Variants in NEK1 observed in about 807,000 individuals in gnomAD.
NEK1 encodes serine/threonine-protein kinase Nek1.
NEK1 carries 137 observed loss-of-function variants against 182.1 expected under a neutral mutation model. The ratio of observed to expected loss-of-function variants is 0.75; its 90% CI spans 0.65 to 0.87. NEK1 has a LOEUF of 0.87. Among genes scored for constraint, NEK1 ranks in the 40% least tolerant of loss-of-function variants. NEK1 has a pLI of 0.00. For missense variants in NEK1, 1,391 were observed against 1,494.4 expected (o/e 0.93, Z 1.14); for synonymous variants, 513 against 492.2 (o/e 1.04, Z -0.56).
chr4:169,585,413 G>A lies in NEK1; in HGVS notation c.743C>T (p.Ser248Leu). Residue 248 changes from serine (S) to leucine (L), a missense_variant, in exon 10 of 36, where the codon TCA (serine) becomes TTA (leucine). Coordinates refer to ENST00000507142, the MANE Select transcript of NEK1 (RefSeq NM_001199397.3). Reference sequence around the variant, plus strand: ...ACCTTTCTCCAATATGGAGTTGACTGATGGTCTATCCCTAGGATTTCTTTT... The same window carrying A: ...ACCTTTCTCCAATATGGAGTTGACTAATGGTCTATCCCTAGGATTTCTTTT... ...LFKRNPRDRP[S>L]VNSILEKGFI... The A allele has an allele frequency of 6.2e-7, 1 of 1,613,660 alleles. No individual in the cohort carries two copies. Among genetic ancestry groups the A allele is most frequent in the Non-Finnish European group, 8.5e-7 (1 of 1,179,686 alleles).
chr4:169,582,730 A>C (rs1208207908), intron 10 of NEK1, among the ~76,000 whole-genome samples: 1 of 152,164 alleles, frequency 6.6e-6, no homozygotes, highest in Non-Finnish European at 1.5e-5. Flanking sequence ...TATGTTTTCC[A>C]ATAGAGTAGC....
Position 169,424,552 on chromosome 4 carries a change from C to G in NEK1, c.3222+1G>C, listed in dbSNP as rs778672440. On this transcript the variant is annotated splice_donor_variant, in intron 31 of 35. Coordinates refer to ENST00000507142, the MANE Select transcript of NEK1 (RefSeq NM_001199397.3). LOFTEE classifies it high-confidence loss of function. ...ATTTTCCACTTGAGGACCATACTTG[C>G]CTTTGGGTTGTTTGCATCAAACAGA... 3.8e-6 allele frequency: 6 copies of G among 1,585,736 alleles called. No homozygotes were observed.
At chr4:169,447,207 G>A (rs937566989) in intron 27 of NEK1, among the ~76,000 whole-genome samples, 2 of 152,156 alleles carry the variant, frequency 1.3e-5, no homozygotes, top group African/African-American at 4.8e-5. Flanking sequence ...TTTGTGTCTG[G>A]CAGCAGACTT....
intron 19 of NEK1, among the ~76,000 whole-genome samples, chr4:169,532,744 A>G (rs963546361): frequency 6.6e-6 from 1 of 151,770 alleles, no homozygotes; most frequent in African/African-American, 2.4e-5. Context: ...GATTGAGACC[A>G]GCCTGGGCAA....
At chr4:169,496,440 GT>G (rs1751302822) in intron 23 of NEK1, among the ~76,000 whole-genome samples, 2 of 150,962 alleles carry the variant, frequency 1.3e-5, no homozygotes, top group African/African-American at 4.9e-5. Context: ...CCAACACTAT[GT>G]TGAATAGGAG....
intron 27 of NEK1, among the ~76,000 whole-genome samples, chr4:169,445,654 A>T (rs1740355977): frequency 6.6e-6 from 1 of 151,910 alleles, no homozygotes; most frequent in Admixed American, 6.6e-5. Context: ...GAAAATAATA[A>T]GATGATGAGG....
chr4:169,557,535 C>A (rs983283032), intron 16 of NEK1, among the ~76,000 whole-genome samples: 1 of 151,970 alleles, frequency 6.6e-6, no homozygotes, highest in Non-Finnish European at 1.5e-5. Flanking sequence ...TTAAAAAAAC[C>A]ATTTTCTGAG....
At chr4:169,569,860 C>T (rs556507113) in intron 12 of NEK1, among the ~76,000 whole-genome samples, 3 of 152,242 alleles carry the variant, frequency 2.0e-5, no homozygotes, top group Admixed American at 2.0e-4. Context: ...ACCTCCCAGC[C>T]GCCTGCCTTG....
At chr4:169,435,377 A>AT (rs1437316585) in intron 28 of NEK1, among the ~76,000 whole-genome samples, 1 of 152,132 alleles carries the variant, frequency 6.6e-6, no homozygotes, top group Non-Finnish European at 1.5e-5. Flanking sequence ...TCAACATATG[A>AT]TTTTTTTGGG....
At chr4:169,610,484 T>C (rs547047859) in intron 2 of NEK1, among the ~76,000 whole-genome samples, 1 of 152,062 alleles carries the variant, frequency 6.6e-6, no homozygotes, top group East Asian at 1.9e-4. Context: ...CGTCTAATTT[T>C]TTGTATTTTT....
intron 31 of NEK1, among the ~76,000 whole-genome samples, chr4:169,409,214 G>A (rs893265419): frequency 1.8e-4 from 28 of 151,774 alleles, no homozygotes; most frequent in Non-Finnish European, 3.7e-4. Context: ...GCGCGATCTC[G>A]GCTCACTGCA....
intron 29 of NEK1, among the ~76,000 whole-genome samples, chr4:169,432,071 A>G (rs1048957624): frequency 9.9e-5 from 15 of 151,912 alleles, no homozygotes; most frequent in Non-Finnish European, 1.8e-4. Context: ...TAAAAAAAAA[A>G]GGGGGGGACC....
At chr4:169,463,133 G>C in intron 27 of NEK1, 110 bp downstream of exon 27, 4 of 617,330 alleles carry the variant, frequency 6.5e-6, no homozygotes, top group Non-Finnish European at 9.6e-6. Flanking sequence ...ATTATTATAA[G>C]AGAAAGATAA....
chr4:169,406,160 A>ACTACTGGGTTCAAG (rs1554022030), intron 32 of NEK1, among the ~76,000 whole-genome samples: 2 of 151,886 alleles, frequency 1.3e-5, no homozygotes, highest in African/African-American at 4.8e-5. Flanking sequence ...GGCTGGTCTC[A>ACTACTGGGTTCAAG]CATTCCTCCT....
chr4:169,416,820 G>T (rs1325962605), intron 31 of NEK1, among the ~76,000 whole-genome samples: 1 of 152,146 alleles, frequency 6.6e-6, no homozygotes, highest in Non-Finnish European at 1.5e-5. Context: ...CGGGAAGATT[G>T]CTTGAGCCCA....
At position 169,507,114 on chromosome 4, in the gene NEK1, C is replaced by T. The variant is rs768725176; in HGVS notation, c.1930G>A (p.Ala644Thr). The change falls in exon 23 of 36, where the codon GCT becomes ACT. Residue 644 changes from alanine (A) to threonine (T), a missense_variant. Transcript: ENST00000507142. ...TCTAGTTGTTCTTTTAGTACAGCAG[C>T]ACGTGCATTTGCATGGGCCTAAAAA... Reference protein sequence around the residue: ...ESLKAHANARAAVLKEQLERK... With the variant: ...ESLKAHANARTAVLKEQLERK... 6.2e-7 allele frequency: 1 copy of T among 1,601,506 alleles called. No individual in the cohort carries two copies. The highest frequency in any genetic ancestry group is 1.3e-5 in the African/African-American group (1 of 74,278).
At chr4:169,442,263 G>A (rs76755048) in intron 27 of NEK1, among the ~76,000 whole-genome samples, 10,895 of 152,044 alleles carry the variant, frequency 0.072, 1,282 homozygotes, top group African/African-American at 0.25. Context: ...CCCTGTCCAC[G>A]GTAAATCCTT....
At chr4:169,533,464 C>T (rs1757986624) in intron 19 of NEK1, among the ~76,000 whole-genome samples, 5 of 152,176 alleles carry the variant, frequency 3.3e-5, no homozygotes, top group Admixed American at 3.3e-4. Context: ...AAATACCTAA[C>T]AAACTTTAAA....
intron 5 of NEK1, among the ~76,000 whole-genome samples, chr4:169,592,038 T>TA (rs200855876): frequency 0.014 from 2,011 of 144,512 alleles, 38 homozygotes; most frequent in African/African-American, 0.047. Flanking sequence ...CCTCACAAAT[T>TA]AAAAAAAAAA....
Sources: gnomAD v4.1 joint callset for allele counts (sites outside exome capture counted in the v4.1 genomes callset) on GRCh38, gnomAD v4.1.1 for gene constraint, MANE v1.5 for transcripts, NCBI Gene and HGNC (gene_info 2026-07-23, HGNC 2026-07-21) for gene names.